Variants in CHD9 observed in about 807,000 individuals in gnomAD.
CHD9 encodes chromodomain helicase DNA binding protein 9, also known as ATP-dependent chromatin remodeler CHD9.
Under a neutral mutation model 316.1 loss-of-function variants are expected in CHD9, and 77 were observed. The observed-to-expected ratio is 0.24, with a 90% confidence interval of 0.20 to 0.29. The LOEUF (loss-of-function observed/expected upper bound fraction) is 0.29. CHD9 is among the 10% of genes least tolerant of loss of function. The pLI is 1.00. For missense variants in CHD9, 2,763 were observed against 3,438.1 expected (o/e 0.80, Z 4.91); for synonymous variants, 1,129 against 1,158.3 (o/e 0.97, Z 0.51).
At chr16:53,145,234 C>A (rs2152718477) in intron 1 of CHD9, among the ~76,000 whole-genome samples, 1 of 151,436 alleles carries the variant, frequency 6.6e-6, no homozygotes, top group East Asian at 2.0e-4. Flanking sequence ...TCACTGCAAC[C>A]TCCGCCTCCC....
chr16:53,100,576 A>G (rs2036781854), intron 1 of CHD9, among the ~76,000 whole-genome samples: 1 of 151,370 alleles, frequency 6.6e-6, no homozygotes, highest in African/African-American at 2.4e-5. Context: ...CTCCCGCCTC[A>G]GCCTCCCAAG....
intron 27 of CHD9, among the ~76,000 whole-genome samples, chr16:53,289,647 A>G (rs904016133): frequency 6.6e-6 from 1 of 152,206 alleles, no homozygotes; most frequent in Non-Finnish European, 1.5e-5. Context: ...CTATAGTAAT[A>G]GATTAGTAAA....
intron 24 of CHD9, among the ~76,000 whole-genome samples, chr16:53,281,475 C>G (rs1308339860): frequency 6.6e-6 from 1 of 152,148 alleles, no homozygotes; most frequent in Non-Finnish European, 1.5e-5. Context: ...GCAATGGCCT[C>G]GTAACTGATT....
intron 16 of CHD9, among the ~76,000 whole-genome samples, chr16:53,248,335 CA>C (rs11321027): frequency 0.48 from 55,940 of 116,258 alleles, 11,032 homozygotes; most frequent in African/African-American, 0.6. Flanking sequence ...AACTCTGTCT[CA>C]AAAAAAAAAA....
At chr16:53,286,405 T>G in intron 26 of CHD9, 62 bp downstream of exon 26, 2 of 857,776 alleles carry the variant, frequency 2.3e-6, no homozygotes, top group Non-Finnish European at 3.9e-6. Context: ...TATCAGCATA[T>G]TCTATGTCAC....
At chr16:53,263,754 C>T (rs1374393365) in intron 20 of CHD9, among the ~76,000 whole-genome samples, 1 of 152,030 alleles carries the variant, frequency 6.6e-6, no homozygotes, top group African/African-American at 2.4e-5. Context: ...TTAGGAGTAA[C>T]ACCACTACCA....
rs201143410 is a variant in CHD9 at position 53,304,662 on chromosome 16, ACTTTTCTTTTCTTTT to A, written c.6619+58_6619+72del. The A allele has an allele frequency of 8.3e-5, 105 of 1,266,128 alleles. 1 individual carries two copies. Among genetic ancestry groups the A allele is most frequent in the South Asian group, 6.4e-4 (36 of 56,140 alleles). 78.4% of individuals were successfully genotyped at this position (1,266,128 alleles called of 1,614,324 possible). On this transcript the variant is annotated intron_variant, in intron 31 of 38. Coordinates refer to ENST00000447540, the MANE Select transcript of CHD9 (RefSeq NM_001308319.2). ...AAAATAATTCTACTTTTTTAACATAACTTTTCTTTTCTTTTCTTTTCTTTTCTTTTCTTTTTTTTT... is the reference window on the plus strand; with the variant it reads ...AAAATAATTCTACTTTTTTAACATAACTTTTCTTTTCTTTTCTTTTTTTTT...
chr16:53,057,916 G>A (rs183440903), intron 1 of CHD9, among the ~76,000 whole-genome samples: 1 of 152,136 alleles, frequency 6.6e-6, no homozygotes, highest in African/African-American at 2.4e-5. Context: ...TTGTGATGTC[G>A]CTGTTTGAAA....
chr16:53,177,937 G>T (rs2043197221), intron 2 of CHD9, among the ~76,000 whole-genome samples: 1 of 152,134 alleles, frequency 6.6e-6, no homozygotes, highest in Admixed American at 6.5e-5. Flanking sequence ...GAATACACAT[G>T]AACTTCTCAG....
At chr16:53,070,039 A>G (rs1474503751) in intron 1 of CHD9, among the ~76,000 whole-genome samples, 1 of 152,088 alleles carries the variant, frequency 6.6e-6, no homozygotes, top group African/African-American at 2.4e-5. Context: ...CTTACTGGCC[A>G]TTTGTATATC....
chr16:53,063,358 TCACACA>T (rs67988137), intron 1 of CHD9, among the ~76,000 whole-genome samples: 3,197 of 137,084 alleles, frequency 0.023, 83 homozygotes, highest in African/African-American at 0.066. Flanking sequence ...CTCATAAATT[TCACACA>T]CACACACACA....
chr16:53,205,499 A>G (rs1029962652), intron 2 of CHD9, among the ~76,000 whole-genome samples: 21 of 152,226 alleles, frequency 1.4e-4, no homozygotes, highest in African/African-American at 5.1e-4. Flanking sequence ...CAGAAAAACC[A>G]TAACATTGTA....
chr16:53,088,839 C>A (rs539721246), intron 1 of CHD9, among the ~76,000 whole-genome samples: 3 of 151,818 alleles, frequency 2.0e-5, no homozygotes, highest in African/African-American at 7.2e-5. Context: ...CTCAGCCGGG[C>A]GTGGTGGCTC....
At chr16:53,237,166 A>G (rs2048704991) in intron 11 of CHD9, among the ~76,000 whole-genome samples, 1 of 152,138 alleles carries the variant, frequency 6.6e-6, no homozygotes, top group Non-Finnish European at 1.5e-5. Flanking sequence ...TAACAACACA[A>G]TTCATTTAGT....
At chr16:53,204,046 A>T (rs867514849) in intron 2 of CHD9, among the ~76,000 whole-genome samples, 2,284 of 89,574 alleles carry the variant, frequency 0.025, 41 homozygotes, top group African/African-American at 0.037. Context: ...AAAAAAAAAA[A>T]AAATATATAT....
At chr16:53,172,195 TCTC>T (rs2042808434) in intron 2 of CHD9, among the ~76,000 whole-genome samples, 1 of 152,072 alleles carries the variant, frequency 6.6e-6, no homozygotes, top group Non-Finnish European at 1.5e-5. Context: ...CTTCCTTCCA[TCTC>T]CTCCTTCGCG....
intron 2 of CHD9, among the ~76,000 whole-genome samples, chr16:53,200,327 C>T (rs1342928450): frequency 2.1e-5 from 3 of 142,432 alleles, no homozygotes; most frequent in Non-Finnish European, 3.0e-5. Context: ...GCCAAGATCA[C>T]ACCACTGCAC....
chr16:53,088,005 A>G lies in CHD9; in HGVS notation c.-165+32928A>G, dbSNP rs1018669949. 2.0e-5 allele frequency among the ~76,000 whole-genome samples: 3 copies of G among 152,000 alleles called. No homozygotes were observed. The South Asian group carries it at 6.2e-4, about 31-fold the overall frequency. On this transcript the variant is annotated intron_variant, in intron 1 of 38. Coordinates refer to ENST00000447540, the MANE Select transcript of CHD9 (RefSeq NM_001308319.2). Reference sequence around the variant, plus strand: ...ATACTTTTGAGCAAAACAGGAGTGCAGGGGCTCATCTTAAGATGAAAATTC... The same window carrying G: ...ATACTTTTGAGCAAAACAGGAGTGCGGGGGCTCATCTTAAGATGAAAATTC...
At chr16:53,115,577 C>T (rs185888300) in intron 1 of CHD9, among the ~76,000 whole-genome samples, 57 of 152,308 alleles carry the variant, frequency 3.7e-4, no homozygotes, top group Non-Finnish European at 7.5e-4. Context: ...CTTCCAGTGT[C>T]CTGTTCAAAA....
Sources: gnomAD v4.1 joint callset for allele counts (sites outside exome capture counted in the v4.1 genomes callset) on GRCh38, gnomAD v4.1.1 for gene constraint, MANE v1.5 for transcripts, NCBI Gene and HGNC (gene_info 2026-07-23, HGNC 2026-07-21) for gene names.